The following EYA1 variants were observed in gnomAD, a reference collection of about 807,000 sequenced individuals.
EYA1 encodes protein phosphatase EYA1.
EYA1 carries 16 observed loss-of-function variants against 82.0 expected under a neutral mutation model. The observed-to-expected ratio is 0.20, with a 90% CI of 0.13 to 0.30. The LOEUF is 0.30. EYA1 is among the 10% of genes least tolerant of loss of function. The probability of loss-of-function intolerance (pLI) is 1.00; values close to 1 mark genes in which losing one functional copy is unlikely to be tolerated. For missense variants in EYA1, 633 were observed against 730.7 expected, an observed-to-expected ratio of 0.87 and a Z score of 1.54; for synonymous variants, 261 against 264.4, an observed-to-expected ratio of 0.99 and a Z score of 0.12.
chr8:71,358,586 G>C (rs1327620593), intron 1 of EYA1, among the ~76,000 whole-genome samples: 1 of 152,168 alleles, frequency 6.6e-6, no homozygotes, highest in African/African-American at 2.4e-5. Flanking sequence ...TCTCAAGAAT[G>C]CGAATGCAGA....
intron 14 of EYA1, 36 bp from the exon 15 acceptor site, chr8:71,215,764 G>T (rs1809115557): frequency 7.2e-7 from 1 of 1,385,590 alleles, no homozygotes. Flanking sequence ...ACTACTTCCT[G>T]ACCAACATAT....
rs5892271 is a variant in EYA1 at position 71,347,885 on chromosome 8, C to CAA, written c.124+6895_124+6896dup. Among the ~76,000 whole-genome samples, 473 of 80,694 alleles carry CAA rather than the reference C, an allele frequency of 5.9e-3. 1 individual carries two copies. The highest frequency in any genetic ancestry group is 7.9e-3 in the Non-Finnish European group (332 of 42,124). The allele number at this position is 80,694 out of a possible 152,430, so 52.9% of individuals were successfully genotyped here. On this transcript the variant is annotated intron_variant, in intron 3 of 17. Transcript: ENST00000340726. ...GGTGTAATGGGATACTGGAGGCATGCAAAAAAAAAAAAAAAAAAAAAACCC... is the reference window on the plus strand; with the variant it reads ...GGTGTAATGGGATACTGGAGGCATGCAAAAAAAAAAAAAAAAAAAAAAAACCC...
intron 2 of EYA1, among the ~76,000 whole-genome samples, chr8:71,396,653 A>G (rs1829635903): frequency 6.6e-6 from 1 of 152,160 alleles, no homozygotes; most frequent in Admixed American, 6.5e-5. Flanking sequence ...GTGGTCTGTG[A>G]GACAGTTTGT....
chr8:71,238,525 T>C (rs1021444976), intron 12 of EYA1, among the ~76,000 whole-genome samples: 2 of 152,128 alleles, frequency 1.3e-5, no homozygotes, highest in Admixed American at 6.5e-5. Flanking sequence ...TTTATTCATA[T>C]ATTCTTCACA....
intron 4 of EYA1, among the ~76,000 whole-genome samples, chr8:71,331,491 A>ATG (rs1823861738): frequency 6.7e-6 from 1 of 148,530 alleles, no homozygotes; most frequent in South Asian, 2.1e-4. Flanking sequence ...TAAATGTTTT[A>ATG]TATATATATA....
intron 2 of EYA1, among the ~76,000 whole-genome samples, chr8:71,483,568 A>C (rs1380478093): frequency 2.6e-5 from 4 of 151,746 alleles, no homozygotes; most frequent in Non-Finnish European, 4.4e-5. Context: ...ACAAAAAAAA[A>C]ACACCACATT....
At chr8:71,320,144 A>T (rs904220933) in intron 6 of EYA1, among the ~76,000 whole-genome samples, 1 of 152,124 alleles carries the variant, frequency 6.6e-6, no homozygotes, top group Admixed American at 6.5e-5. Flanking sequence ...ACATTCATTA[A>T]TGGTTTAGAA....
At chr8:71,507,393 G>T (rs73293172) in intron 2 of EYA1, among the ~76,000 whole-genome samples, 5 of 152,188 alleles carry the variant, frequency 3.3e-5, no homozygotes, top group African/African-American at 1.2e-4. Flanking sequence ...CTCTCATACT[G>T]ACAAAATTTT....
intron 2 of EYA1, among the ~76,000 whole-genome samples, chr8:71,461,058 T>C (rs1447507295): frequency 6.6e-6 from 1 of 152,214 alleles, no homozygotes; most frequent in Non-Finnish European, 1.5e-5. Context: ...ACCAGCACTG[T>C]CCAATAGAAA....
intron 3 of EYA1, among the ~76,000 whole-genome samples, chr8:71,342,736 G>A (rs1052680948): frequency 6.6e-6 from 1 of 152,132 alleles, no homozygotes; most frequent in African/African-American, 2.4e-5. Context: ...CAAACCTTTT[G>A]AATTTGCGGA....
intron 12 of EYA1, among the ~76,000 whole-genome samples, chr8:71,222,512 C>T (rs1193023495): frequency 1.3e-5 from 2 of 152,228 alleles, no homozygotes; most frequent in African/African-American, 4.8e-5. Context: ...AGCACCACAT[C>T]TTGGCACTTT....
intron 17 of EYA1, among the ~76,000 whole-genome samples, chr8:71,199,651 T>A (rs541897730): frequency 1.7e-5 from 2 of 118,122 alleles, no homozygotes; most frequent in South Asian, 5.3e-4. Flanking sequence ...AAGAAGGGGA[T>A]GGATATTTCC....
intron 6 of EYA1, 118 bp from the exon 7 acceptor site, chr8:71,317,807 ATAAAGGGT>A (rs1453957439): frequency 1.0e-6 from 1 of 959,616 alleles, no homozygotes; most frequent in African/African-American, 1.6e-5. Flanking sequence ...TATCTCAAAA[ATAAAGGGT>A]ATACATGCAT....
At chr8:71,469,005 T>C (rs1808979693) in intron 2 of EYA1, among the ~76,000 whole-genome samples, 1 of 152,142 alleles carries the variant, frequency 6.6e-6, no homozygotes, top group South Asian at 2.1e-4. Flanking sequence ...GCATGTTTTC[T>C]AGCAGTAAGG....
At chr8:71,202,092 T>C (rs1187042346) in intron 17 of EYA1, among the ~76,000 whole-genome samples, 1 of 152,130 alleles carries the variant, frequency 6.6e-6, no homozygotes, top group East Asian at 1.9e-4. Context: ...TCAGAGCAGG[T>C]TCAGTCAAAT....
At chr8:71,461,313 C>T (rs767079499) in intron 2 of EYA1, among the ~76,000 whole-genome samples, 6 of 152,122 alleles carry the variant, frequency 3.9e-5, no homozygotes, top group African/African-American at 4.8e-5. Flanking sequence ...TGTTAGTGAG[C>T]GTGGCGTCTG....
intron 11 of EYA1, among the ~76,000 whole-genome samples, chr8:71,264,092 C>T (rs1317113476): frequency 6.6e-6 from 1 of 152,146 alleles, no homozygotes; most frequent in East Asian, 1.9e-4. Context: ...TGTTTGCCAA[C>T]CCTTGGACTG....
intron 2 of EYA1, among the ~76,000 whole-genome samples, chr8:71,534,593 C>G (rs969670367): frequency 1.3e-5 from 2 of 152,154 alleles, no homozygotes; most frequent in African/African-American, 4.8e-5. Flanking sequence ...TACTAAAGAT[C>G]ATGCTTCAGG....
chr8:71,342,712 C>T (rs570399414), intron 3 of EYA1, among the ~76,000 whole-genome samples: 11 of 152,256 alleles, frequency 7.2e-5, no homozygotes, highest in African/African-American at 2.6e-4. Context: ...CTGTTAATTT[C>T]CTCACCCTAC....
Sources: allele counts gnomAD v4.1 joint callset (sites outside exome capture counted in the v4.1 genomes callset), GRCh38; gene constraint gnomAD v4.1.1; transcripts MANE v1.5; gene names NCBI Gene and HGNC (gene_info 2026-07-23, HGNC 2026-07-21).